Variants in MAP4 observed in about 807,000 individuals in gnomAD.
The protein encoded by MAP4 is microtubule associated protein 4, also known as microtubule-associated protein 4.
MAP4 carries 76 observed loss-of-function variants against 170.2 expected under a neutral mutation model. That is an observed-to-expected ratio of 0.45 (90% CI 0.37 to 0.54). MAP4 has a LOEUF of 0.54. Ranked by LOEUF, MAP4 falls within the 20% of genes least tolerant of loss-of-function variation. MAP4 has a pLI of 0.00. For missense variants in MAP4, 2,506 were observed against 2,748.0 expected, an observed-to-expected ratio of 0.91 and a Z score of 1.97; for synonymous variants, 909 against 994.5, an observed-to-expected ratio of 0.91 and a Z score of 1.62.
chr3:47,890,924 A>G, intron 10 of MAP4: 1 of 967,302 alleles, frequency 1.0e-6, no homozygotes, highest in Non-Finnish European at 1.5e-6. Context: ...CACAGAACCC[A>G]GCTGTAAAAA....
intron 1 of MAP4, among the ~76,000 whole-genome samples, chr3:48,037,257 C>A (rs2100119195): frequency 6.6e-6 from 1 of 152,092 alleles, no homozygotes; most frequent in Non-Finnish European, 1.5e-5. Context: ...AAAGCTGCAT[C>A]AGAATGAGTA....
intron 1 of MAP4, among the ~76,000 whole-genome samples, chr3:48,077,526 G>T (rs1218242401): frequency 1.3e-5 from 2 of 151,012 alleles, no homozygotes; most frequent in African/African-American, 4.9e-5. Flanking sequence ...ATAGAGACAG[G>T]GTCTCACCAT....
intron 2 of MAP4, among the ~76,000 whole-genome samples, chr3:47,997,075 A>G (rs2100096156): frequency 6.6e-6 from 1 of 152,032 alleles, no homozygotes; most frequent in Non-Finnish European, 1.5e-5. Context: ...TAAAACACAA[A>G]CAGAAATAAA....
intron 1 of MAP4, among the ~76,000 whole-genome samples, chr3:48,030,831 G>C (rs546373902): frequency 1.3e-5 from 2 of 149,904 alleles, no homozygotes; most frequent in African/African-American, 4.9e-5. Flanking sequence ...AAAAGATAGG[G>C]GTAACTCAAT....
At chr3:47,854,565 G>T (rs542811449) in intron 19 of MAP4, among the ~76,000 whole-genome samples, 4 of 152,210 alleles carry the variant, frequency 2.6e-5, no homozygotes, top group African/African-American at 4.8e-5. Flanking sequence ...CCCCACCCAC[G>T]GATGACATGG....
chr3:47,921,143 G>C (rs1325717881), intron 5 of MAP4, among the ~76,000 whole-genome samples: 1 of 151,890 alleles, frequency 6.6e-6, no homozygotes, highest in Non-Finnish European at 1.5e-5. Flanking sequence ...GTGAGACCCT[G>C]TCTCAAAAAA....
intron 3 of MAP4, among the ~76,000 whole-genome samples, chr3:47,938,726 T>G (rs772539839): frequency 1.3e-5 from 2 of 152,164 alleles, no homozygotes; most frequent in African/African-American, 4.8e-5. Context: ...AGGCTAACCA[T>G]GTAAATTTGG....
chr3:47,857,158 C>T (rs2057960519), intron 18 of MAP4, among the ~76,000 whole-genome samples: 2 of 152,222 alleles, frequency 1.3e-5, no homozygotes, highest in African/African-American at 4.8e-5. Flanking sequence ...GCACCACTTC[C>T]CCAGGCCTAG....
chr3:47,982,921 AGAG>A (rs1222587515), intron 2 of MAP4, among the ~76,000 whole-genome samples: 1 of 152,184 alleles, frequency 6.6e-6, no homozygotes, highest in Non-Finnish European at 1.5e-5. Flanking sequence ...TGTTTGAGAC[AGAG>A]TCTAGCTCTA....
intron 1 of MAP4, among the ~76,000 whole-genome samples, chr3:47,999,290 CTG>C (rs1559762555): frequency 1.3e-5 from 2 of 152,114 alleles, no homozygotes. Flanking sequence ...TGACCAAAGA[CTG>C]TGAGTATGGA....
intron 1 of MAP4, among the ~76,000 whole-genome samples, chr3:48,040,243 T>C (rs1313976046): frequency 2.6e-5 from 4 of 152,140 alleles, no homozygotes; most frequent in African/African-American, 9.7e-5. Flanking sequence ...GGTTTTAAAT[T>C]TGACAAAATC....
chr3:48,066,564 G>A (rs186403140), intron 1 of MAP4, among the ~76,000 whole-genome samples: 117 of 152,034 alleles, frequency 7.7e-4, no homozygotes, highest in Middle Eastern at 3.4e-3. Context: ...CGCAATCTCC[G>A]CTCACTGCAA....
In MAP4 at chr3:47,872,409, T is replaced by C. The variant is rs1422088032; in HGVS notation, c.5758-309A>G. Among the ~76,000 whole-genome samples, 4 of 152,128 alleles carry C rather than the reference T, an allele frequency of 2.6e-5. No individual in the cohort carries two copies. In the East Asian group the frequency reaches 7.7e-4, roughly 29 times the overall value. The stretch of plus-strand genomic sequence containing the variant: ...CGTGTTAGCCAGGATGATCTCGATC[T>C]CCTGACCTCATGATCCGCCTGCCTC... On this transcript the variant is annotated intron_variant, in intron 12 of 20. Coordinates refer to ENST00000683076, the MANE Select transcript of MAP4 (RefSeq NM_001385682.1).
At chr3:47,904,705 G>A (rs961747029) in intron 9 of MAP4, among the ~76,000 whole-genome samples, 8 of 148,064 alleles carry the variant, frequency 5.4e-5, no homozygotes, top group Non-Finnish European at 1.0e-4. Flanking sequence ...TCACTCTATC[G>A]CCCAGGCTGG....
At chr3:48,079,122 G>A (rs1390013863) in intron 1 of MAP4, among the ~76,000 whole-genome samples, 1 of 152,044 alleles carries the variant, frequency 6.6e-6, no homozygotes, top group African/African-American at 2.4e-5. Context: ...AGTGAGCTGT[G>A]ATTATGCCAC....
intron 1 of MAP4, among the ~76,000 whole-genome samples, chr3:48,063,146 TAAAA>T (rs112104186): frequency 2.8e-5 from 4 of 141,922 alleles, no homozygotes; most frequent in South Asian, 2.3e-4. Context: ...TCAAATTCAT[TAAAA>T]AAAAAAAAGA....
Position 47,912,381 on chromosome 3 carries a change from T to C in MAP4, c.2040A>G (p.Lys680=). 1 of 1,528,818 alleles carries C rather than the reference T, an allele frequency of 6.5e-7. No individual in the cohort carries two copies. Among genetic ancestry groups the C allele is most frequent in the Non-Finnish European group, 8.8e-7 (1 of 1,141,944 alleles). The allele number at this position is 1,528,818 out of a possible 1,614,324, so 94.7% of individuals were successfully genotyped here. A position where few individuals can be genotyped will look rare whatever the true frequency, so the allele number is the denominator to read the frequency against. ...MYCGTPPTQA[K]QVCRPSDRRS... is the part of the protein sequence containing the mutation. ...TGCGGTCACTGGGTCTGCAAACTTG[T>C]TTGGCTTGTGTGGGAGGGGTACCGC... is the stretch of plus-strand genomic sequence containing the variant. The change falls in exon 9 of 21, where the codon AAA becomes AAG. Residue 680 remains lysine (K), a synonymous_variant. Transcript: ENST00000683076.
intron 1 of MAP4, among the ~76,000 whole-genome samples, chr3:48,056,132 G>A (rs1436004007): frequency 2.3e-4 from 29 of 124,750 alleles, no homozygotes; most frequent in African/African-American, 3.9e-4. Context: ...TCAGCCCCCC[G>A]CCCGGCCAGC....
At position 47,914,867 on chromosome 3, in the gene MAP4, T is replaced by C. The variant is rs1423973900; in HGVS notation, c.1949A>G (p.Glu650Gly). 1 of 1,614,102 alleles carries C rather than the reference T, an allele frequency of 6.2e-7. No homozygotes were observed. Among genetic ancestry groups the C allele is most frequent in the Non-Finnish European group, 8.5e-7 (1 of 1,180,020 alleles). ...AGGTTGACTGTTGCATGGTTTCCTT[T>C]CCCCTAGTTTTTCTAACACAGAATC... ...EEDSVLEKLG[E>G]RKPCNSQPSE... Residue 650 changes from glutamate (E) to glycine (G), a missense_variant, in exon 8 of 21, where the codon GAA becomes GGA. Physicochemically the swap from Glu to Gly is moderately conservative, Grantham distance 98. Coordinates refer to ENST00000683076, the MANE Select transcript of MAP4 (RefSeq NM_001385682.1).
Sources: gnomAD v4.1 joint callset for allele counts (sites outside exome capture counted in the v4.1 genomes callset) on GRCh38, gnomAD v4.1.1 for gene constraint, MANE v1.5 for transcripts, NCBI Gene and HGNC (gene_info 2026-07-23, HGNC 2026-07-21) for gene names.